The following SRGAP1 variants were observed in gnomAD, a reference collection of about 807,000 sequenced individuals.
SRGAP1 encodes SLIT-ROBO Rho GTPase-activating protein 1.
SRGAP1 carries 43 observed loss-of-function variants against 121.9 expected under a neutral mutation model. The observed-to-expected ratio is 0.35, with a 90% confidence interval of 0.28 to 0.46. The LOEUF is 0.46. Among genes scored for constraint, SRGAP1 ranks in the 20% least tolerant of loss-of-function variants. SRGAP1 has a pLI of 1.00. For missense variants in SRGAP1, 1,102 were observed against 1,350.9 expected (o/e 0.82, Z 2.89); for synonymous variants, 447 against 485.4 (o/e 0.92, Z 1.04).
chr12:64,054,769 G>C (rs541330718), intron 6 of SRGAP1, among the ~76,000 whole-genome samples: 1 of 151,438 alleles, frequency 6.6e-6, no homozygotes, highest in Non-Finnish European at 1.5e-5. Context: ...TAAGTTTTAG[G>C]GTACATGTGC....
At chr12:64,055,470 C>T (rs1263833711) in intron 6 of SRGAP1, among the ~76,000 whole-genome samples, 1 of 151,664 alleles carries the variant, frequency 6.6e-6, no homozygotes. Context: ...ATAAAGCTAC[C>T]AATGCCTTTC....
chr12:64,073,217 C>G (rs1462837352), intron 8 of SRGAP1, among the ~76,000 whole-genome samples: 1 of 152,132 alleles, frequency 6.6e-6, no homozygotes, highest in South Asian at 2.1e-4. Context: ...TCTGTCACAT[C>G]CTTTATTCCT....
intron 21 of SRGAP1, among the ~76,000 whole-genome samples, chr12:64,133,825 C>T (rs1757709415): frequency 6.6e-6 from 1 of 152,096 alleles, no homozygotes; most frequent in South Asian, 2.1e-4. Context: ...AGTAGGAATG[C>T]AGTAGGCTTC....
At chr12:64,136,784 AC>A (rs1421570483) in intron 21 of SRGAP1, among the ~76,000 whole-genome samples, 1 of 152,220 alleles carries the variant, frequency 6.6e-6, no homozygotes, top group Non-Finnish European at 1.5e-5. Context: ...CATACTTACA[AC>A]CAGCAATATT....
rs1208454803 is a variant in SRGAP1 at position 64,063,024 on chromosome 12, G to A, written c.909G>A (p.Glu303=). ...GACATGAGGGCTTAGACATTATTGA[G>A]AATGCAGTTGATAATTTAGAGCCCA... ...TSRHEGLDII[E]NAVDNLEPRS... is the part of the protein sequence containing the mutation. The change falls in exon 7 of 22, where the codon GAG becomes GAA. Residue 303 remains glutamate (E), a synonymous_variant. Coordinates refer to ENST00000355086, the MANE Select transcript of SRGAP1 (RefSeq NM_020762.4). The A allele has an allele frequency of 6.2e-7, 1 of 1,613,956 alleles. No homozygotes were observed. The highest frequency in any genetic ancestry group is 1.7e-5 in the Admixed American group (1 of 59,992).
chr12:63,942,881 G>A (rs1040143089), intron 1 of SRGAP1, among the ~76,000 whole-genome samples: 1 of 152,142 alleles, frequency 6.6e-6, no homozygotes, highest in African/African-American at 2.4e-5. Context: ...ATATAGATAG[G>A]TTTTTTAAAA....
chr12:64,129,975 GGTT>G (rs57651653), intron 21 of SRGAP1, among the ~76,000 whole-genome samples: 413 of 151,176 alleles, frequency 2.7e-3, no homozygotes, highest in African/African-American at 7.0e-3. Flanking sequence ...AGCAGGTCGT[GGTT>G]GTTGTTGTTG....
At chr12:63,921,600 T>C (rs2031046349) in intron 1 of SRGAP1, among the ~76,000 whole-genome samples, 1 of 152,216 alleles carries the variant, frequency 6.6e-6, no homozygotes, top group South Asian at 2.1e-4. Context: ...TCACAACCCC[T>C]GCTCCCCTAA....
rs1243189680 is a variant in SRGAP1, at chr12:63,961,158, T to G, written c.68-22789T>G. Among the ~76,000 whole-genome samples, 41 of 152,086 alleles carry G rather than the reference T, an allele frequency of 2.7e-4. 1 individual carries two copies. The highest frequency in any genetic ancestry group is 2.7e-3 in the Admixed American group (41 of 15,272). On this transcript the variant is annotated intron_variant, in intron 1 of 21. Coordinates refer to ENST00000355086, the MANE Select transcript of SRGAP1 (RefSeq NM_020762.4). ...TTAATTAAAATTAGAGACAAAAATT[T>G]TAAAGTTCCATTTTCTAGCCATACC...
chr12:64,100,400 A>G (rs988777731), intron 15 of SRGAP1, among the ~76,000 whole-genome samples: 1 of 152,218 alleles, frequency 6.6e-6, no homozygotes, highest in African/African-American at 2.4e-5. Context: ...TATGTAAACT[A>G]CAAGGAAAAA....
At chr12:63,886,122 G>A (rs529445244) in intron 1 of SRGAP1, among the ~76,000 whole-genome samples, 9 of 152,110 alleles carry the variant, frequency 5.9e-5, no homozygotes, top group East Asian at 1.9e-4. Context: ...GTGCAGCGGC[G>A]CAATCTCAGC....
At chr12:63,972,255 G>T (rs2032971083) in intron 1 of SRGAP1, among the ~76,000 whole-genome samples, 1 of 152,186 alleles carries the variant, frequency 6.6e-6, no homozygotes, top group Non-Finnish European at 1.5e-5. Context: ...TGTTTCCTTT[G>T]TCAGTGTTTT....
chr12:63,988,534 T>C (rs2033475218), intron 2 of SRGAP1, among the ~76,000 whole-genome samples: 1 of 152,210 alleles, frequency 6.6e-6, no homozygotes. Flanking sequence ...TCTTTCCCTA[T>C]GCCCATTCCT....
intron 1 of SRGAP1, among the ~76,000 whole-genome samples, chr12:63,953,931 T>C (rs1363360984): frequency 6.6e-6 from 1 of 152,228 alleles, no homozygotes; most frequent in East Asian, 1.9e-4. Context: ...GTCTTCCCAA[T>C]ATATGAAAAT....
At position 64,142,577 on chromosome 12, in the gene SRGAP1, C is replaced by A. The variant is rs1225900005; in HGVS notation, c.3163C>A (p.Leu1055Ile). The A allele has an allele frequency of 1.2e-6, 2 of 1,614,086 alleles. No individual in the cohort carries two copies. Among genetic ancestry groups the A allele is most frequent in the African/African-American group, 1.3e-5 (1 of 74,928 alleles). Reference protein sequence around the residue: ...RMGVQLKPPALRPKPAVLPKT... With the variant: ...RMGVQLKPPAIRPKPAVLPKT... The stretch of plus-strand genomic sequence containing the variant: ...GGGCGTGCAGCTGAAGCCTCCAGCC[C>A]TTAGGCCAAAACCTGCTGTTCTTCC... The change falls in exon 22 of 22, where the codon CTT (leucine) becomes ATT (isoleucine). Residue 1055 changes from leucine (L) to isoleucine (I), a missense_variant. Physicochemically the swap from Leu to Ile is conservative, Grantham distance 5. Around this residue, in one of 3 missense-constraint regions of SRGAP1, gnomAD observed 315 missense variants for 343.1 expected, o/e 0.92. Coordinates refer to ENST00000355086, the MANE Select transcript of SRGAP1 (RefSeq NM_020762.4).
intron 1 of SRGAP1, among the ~76,000 whole-genome samples, chr12:63,878,635 A>G (rs1016612182): frequency 6.6e-6 from 1 of 152,226 alleles, no homozygotes; most frequent in Non-Finnish European, 1.5e-5. Flanking sequence ...AGAACACGGT[A>G]GGGATGATAG....
chr12:63,944,232 G>T (rs1453753614), intron 1 of SRGAP1, among the ~76,000 whole-genome samples: 1 of 152,164 alleles, frequency 6.6e-6, no homozygotes, highest in Non-Finnish European at 1.5e-5. Context: ...ATAGTAAGTG[G>T]CAAAGCTTGG....
intron 21 of SRGAP1, 99 bp from the exon 22 acceptor site, chr12:64,142,196 C>T: frequency 1.6e-6 from 2 of 1,285,546 alleles, no homozygotes; most frequent in South Asian, 1.4e-5. Context: ...TATCCATACT[C>T]TGCTGGGCCG....
At chr12:63,888,023 C>G (rs796505491) in intron 1 of SRGAP1, 20 of 152,342 alleles carry the variant, frequency 1.3e-4, no homozygotes, top group African/African-American at 4.3e-4. Flanking sequence ...GATGATCTGT[C>G]AGGTCAGTTT....
Sources: allele counts gnomAD v4.1 joint callset (sites outside exome capture counted in the v4.1 genomes callset), GRCh38; gene constraint gnomAD v4.1.1; regional missense constraint gnomAD v4.1.1; transcripts MANE v1.5; gene names NCBI Gene and HGNC (gene_info 2026-07-23, HGNC 2026-07-21).